Variants in PI15 observed in about 807,000 individuals in gnomAD.
PI15 encodes peptidase inhibitor 15.
Under a neutral mutation model 31.0 loss-of-function variants are expected in PI15, and 18 were observed. The observed-to-expected ratio is 0.58, with a 90% CI of 0.40 to 0.86. The LOEUF (loss-of-function observed/expected upper bound fraction) is 0.86. Ranked by LOEUF, PI15 falls within the 40% of genes least tolerant of loss-of-function variation. The pLI, the probability that PI15 is intolerant of heterozygous loss-of-function variation, is 0.00. For missense variants in PI15, 282 were observed against 328.1 expected (o/e 0.86, Z 1.09); for synonymous variants, 118 against 119.1 (o/e 0.99, Z 0.06).
intron 2 of PI15, among the ~76,000 whole-genome samples, chr8:74,828,146 G>A (rs1810726249): frequency 6.6e-6 from 1 of 152,072 alleles, no homozygotes; most frequent in Non-Finnish European, 1.5e-5. Context: ...AAATAAATAA[G>A]TTACACAGGA....
chr8:74,846,533 T>C (rs1811029260), intron 5 of PI15, among the ~76,000 whole-genome samples: 1 of 152,218 alleles, frequency 6.6e-6, no homozygotes, highest in Non-Finnish European at 1.5e-5. Context: ...TTTTGTTTCA[T>C]TTATGTAACT....
At position 74,851,974 on chromosome 8, in the gene PI15, T is replaced by C. The variant is rs1811114695; in HGVS notation, c.*2721T>C. ...AATAATATAAAGTGGCCATGTAAAA[T>C]ATTTTATTTTCCAGGCTAAAGCAAA... On this transcript the variant is annotated 3_prime_UTR_variant, in exon 6 of 6. Coordinates refer to ENST00000260113, the MANE Select transcript of PI15 (RefSeq NM_015886.5). The C allele has an allele frequency of 6.6e-6, 1 of 152,516 alleles. No individual in the cohort carries two copies. Among genetic ancestry groups the C allele is most frequent in the African/African-American group, 2.4e-5 (1 of 41,464 alleles). The allele number at this position is 152,516 out of a possible 1,614,324, so 9.4% of individuals were successfully genotyped here.
intron 5 of PI15, among the ~76,000 whole-genome samples, chr8:74,848,283 T>C (rs1811053207): frequency 6.6e-6 from 1 of 152,230 alleles, no homozygotes; most frequent in Non-Finnish European, 1.5e-5. Context: ...TACTCTCTTA[T>C]GAGAATAATG....
chr8:74,836,867 G>A (rs527938770), intron 2 of PI15, among the ~76,000 whole-genome samples: 5 of 152,140 alleles, frequency 3.3e-5, no homozygotes, highest in South Asian at 4.2e-4. Context: ...GAGAGAATGC[G>A]GAAAGCAAAA....
rs912992204 is a variant in PI15, at chr8:74,851,005, T to C, written c.*1752T>C. ...TTTGGATACTTTGAAAGATGACAGA[T>C]TGTTAAATCCATTCAATGGTAAAGA... On this transcript the variant is annotated 3_prime_UTR_variant, in exon 6 of 6. Coordinates refer to ENST00000260113, the MANE Select transcript of PI15 (RefSeq NM_015886.5). 8 of 152,576 alleles carry C rather than the reference T, an allele frequency of 5.2e-5. No homozygotes were observed. Among genetic ancestry groups the C allele is most frequent in the African/African-American group, 1.9e-4 (8 of 41,444 alleles). The allele number at this position is 152,576 out of a possible 1,614,324, so 9.5% of individuals were successfully genotyped here.
At chr8:74,843,372 GAAT>G (rs1810971659) in intron 2 of PI15, among the ~76,000 whole-genome samples, 1 of 152,194 alleles carries the variant, frequency 6.6e-6, no homozygotes, top group Admixed American at 6.5e-5. Flanking sequence ...ACAGAACTTT[GAAT>G]AACAGTGGCC....
At position 74,851,491 on chromosome 8, in the gene PI15, A is replaced by G. The variant is rs1811103273; in HGVS notation, c.*2238A>G. 6.6e-6 allele frequency: 1 copy of G among 152,022 alleles called. No homozygotes were observed. The highest frequency in any genetic ancestry group is 2.4e-5 in the African/African-American group (1 of 41,450). 9.4% of individuals were successfully genotyped at this position (152,022 alleles called of 1,614,324 possible). On this transcript the variant is annotated 3_prime_UTR_variant, in exon 6 of 6. Transcript: ENST00000260113. ...GGGTTCTTATGAAGGTAAATTTACC[A>G]GATTAATAAAAATTTATGAATATTA...
chr8:74,837,801 T>C (rs1007790700), intron 2 of PI15, among the ~76,000 whole-genome samples: 1 of 152,216 alleles, frequency 6.6e-6, no homozygotes, highest in African/African-American at 2.4e-5. Flanking sequence ...CCAATGCCAT[T>C]GACATGGCAT....
At position 74,850,319 on chromosome 8, in the gene PI15, A is replaced by G. The variant is rs758519686; in HGVS notation, c.*1066A>G. On this transcript the variant is annotated 3_prime_UTR_variant, in exon 6 of 6. Transcript: ENST00000260113. ...AGAAAGTAAGACCCTCAGAAAACCA[A>G]TGAAGTCTAAGAGAAATAAAATTTA... is the stretch of plus-strand genomic sequence containing the variant. The G allele has an allele frequency of 6.6e-6, 1 of 152,216 alleles. No homozygotes were observed. The highest frequency in any genetic ancestry group is 1.5e-5 in the Non-Finnish European group (1 of 68,052). The allele number at this position is 152,216 out of a possible 1,614,324, so 9.4% of individuals were successfully genotyped here.
At chr8:74,841,498 G>A (rs549150000) in intron 2 of PI15, among the ~76,000 whole-genome samples, 37 of 152,308 alleles carry the variant, frequency 2.4e-4, no homozygotes, top group African/African-American at 8.7e-4. Context: ...CCAGGTCAGC[G>A]CTATGTGTGC....
At chr8:74,848,316 A>G (rs904570570) in intron 5 of PI15, among the ~76,000 whole-genome samples, 2 of 152,206 alleles carry the variant, frequency 1.3e-5, no homozygotes, top group Non-Finnish European at 2.9e-5. Context: ...ATACCATTAT[A>G]CCATATATGA....
At chr8:74,827,671 T>G (rs1442721915) in intron 2 of PI15, among the ~76,000 whole-genome samples, 1 of 152,200 alleles carries the variant, frequency 6.6e-6, no homozygotes, top group Non-Finnish European at 1.5e-5. Context: ...GAGCATCTTC[T>G]CATTTGCTGC....
chr8:74,846,896 G>T (rs537719509), intron 5 of PI15, among the ~76,000 whole-genome samples: 11 of 152,116 alleles, frequency 7.2e-5, no homozygotes, highest in African/African-American at 2.4e-4. Flanking sequence ...TAAAATAAAA[G>T]AATGAATAGT....
intron 1 of PI15, chr8:74,824,939 G>C (rs1810669988): frequency 3.3e-6 from 1 of 304,372 alleles, no homozygotes; most frequent in Non-Finnish European, 6.1e-6. Flanking sequence ...TCAGACATTT[G>C]GGGCAAATGG....
intron 2 of PI15, among the ~76,000 whole-genome samples, chr8:74,836,773 C>T (rs561415678): frequency 5.9e-5 from 9 of 152,160 alleles, no homozygotes; most frequent in Middle Eastern, 3.4e-3. Flanking sequence ...AGGTGATGAC[C>T]AGGAGATGAC....
intron 3 of PI15, chr8:74,844,880 G>T: frequency 2.4e-6 from 1 of 415,460 alleles, no homozygotes; most frequent in Non-Finnish European, 4.3e-6. Context: ...CATTTTCTTC[G>T]TGGAATGACC....
intron 2 of PI15, among the ~76,000 whole-genome samples, chr8:74,829,733 A>C (rs1810753836): frequency 1.3e-5 from 2 of 152,138 alleles, no homozygotes; most frequent in South Asian, 4.1e-4. Context: ...GATGTAATAA[A>C]AGAGGTACAG....
intron 2 of PI15, chr8:74,826,437 C>T: frequency 5.1e-6 from 1 of 194,328 alleles, no homozygotes; most frequent in Non-Finnish European, 9.4e-6. Flanking sequence ...TCTAGATTCA[C>T]TTGTTTTATG....
chr8:74,838,833 G>A (rs547897376), intron 2 of PI15, among the ~76,000 whole-genome samples: 33 of 152,254 alleles, frequency 2.2e-4, no homozygotes, highest in African/African-American at 5.8e-4. Flanking sequence ...TTCTTATGGC[G>A]TTTCTTACTA....
Sources: gnomAD v4.1 joint callset for allele counts (sites outside exome capture counted in the v4.1 genomes callset) on GRCh38, gnomAD v4.1.1 for gene constraint, MANE v1.5 for transcripts, NCBI Gene and HGNC (gene_info 2026-07-23, HGNC 2026-07-21) for gene names.